Variants in TNFRSF8 observed in about 807,000 individuals in gnomAD.
TNFRSF8 encodes the protein TNF receptor superfamily member 8, also known as tumor necrosis factor receptor superfamily member 8.
In TNFRSF8, 26 loss-of-function variants were observed where a neutral mutation model predicts 70.8. The observed-to-expected ratio is 0.37, with a 90% CI of 0.27 to 0.51. TNFRSF8 has a LOEUF of 0.51. TNFRSF8 is among the 20% of genes least tolerant of loss of function. The pLI is 0.94. For missense variants in TNFRSF8, 720 were observed against 807.9 expected (o/e 0.89, Z 1.32); for synonymous variants, 356 against 339.2 (o/e 1.05, Z -0.54).
intron 12 of TNFRSF8, among the ~76,000 whole-genome samples, chr1:12,127,518 T>C (rs1322275931): frequency 1.3e-5 from 2 of 152,258 alleles, no homozygotes; most frequent in Admixed American, 1.3e-4. Context: ...GTGCTCAGCC[T>C]AAGGCCAGGC....
chr1:12,126,202 G>C lies in TNFRSF8; in HGVS notation c.1275G>C (p.Pro425=). Residue 425 remains proline (P), a synonymous_variant, in exon 12 of 15, where the codon CCG becomes CCC. Transcript: ENST00000263932. ...TTTCAGAGCTCCACCTGTGCTACCC[G>C]GTCCAGACCTCCCAGCCCAAGCTAG... The part of the protein sequence containing the change: ...RIRQKLHLCY[P]VQTSQPKLEL... The C allele has an allele frequency of 6.2e-7, 1 of 1,614,088 alleles. No individual in the cohort carries two copies. Among genetic ancestry groups the C allele is most frequent in the Non-Finnish European group, 8.5e-7 (1 of 1,180,024 alleles).
At chr1:12,136,031 C>T (rs1219760633) in intron 13 of TNFRSF8, among the ~76,000 whole-genome samples, 1 of 152,018 alleles carries the variant, frequency 6.6e-6, no homozygotes, top group East Asian at 1.9e-4. Flanking sequence ...ATCTCATCCT[C>T]CAAGCTGGAT....
At chr1:12,126,126 G>C in intron 11 of TNFRSF8, 57 bp from the exon 12 acceptor site, 2 of 1,613,420 alleles carry the variant, frequency 1.2e-6, no homozygotes, top group South Asian at 2.2e-5. Flanking sequence ...TTCTTTCCCT[G>C]CCTGCTCCTG....
intron 1 of TNFRSF8, among the ~76,000 whole-genome samples, chr1:12,075,679 C>T (rs1318756277): frequency 6.6e-6 from 1 of 152,214 alleles, no homozygotes; most frequent in Non-Finnish European, 1.5e-5. Flanking sequence ...GAATATATCA[C>T]CCTAGGTCCT....
intron 12 of TNFRSF8, among the ~76,000 whole-genome samples, chr1:12,132,945 T>C (rs559136513): frequency 6.6e-6 from 1 of 151,700 alleles, no homozygotes; most frequent in Non-Finnish European, 1.5e-5. Context: ...ATGTGATTCA[T>C]CCCATTTTCC....
Position 12,125,309 on chromosome 1 carries a change from C to T in TNFRSF8, c.1154-642C>T, listed in dbSNP as rs148554302. ...GGGGTTAAGAGCGTGGCCCTGCAGT[C>T]CCCCCGGCCTGGCCTGGCCTGGGCT... On this transcript the variant is annotated intron_variant, in intron 10 of 14. Transcript: ENST00000263932. 7.9e-3 allele frequency among the ~76,000 whole-genome samples: 1,208 copies of T among 152,318 alleles called. 12 individuals carry two copies. The highest frequency in any genetic ancestry group is 0.011 in the Non-Finnish European group (746 of 68,032).
chr1:12,094,501 C>T (rs1641296663), intron 2 of TNFRSF8, among the ~76,000 whole-genome samples: 1 of 151,844 alleles, frequency 6.6e-6, no homozygotes, highest in African/African-American at 2.4e-5. Flanking sequence ...TCCTGGGAGC[C>T]ATGAGAAGCC....
In TNFRSF8 at chr1:12,110,034, T is replaced by C. The variant is rs748188775; in HGVS notation, c.513-7T>C. On this transcript the variant is annotated splice_region_variant and splice_polypyrimidine_tract_variant and intron_variant, in intron 5 of 14. Coordinates refer to ENST00000263932, the MANE Select transcript of TNFRSF8 (RefSeq NM_001243.5). The surrounding 1 kb of genome is among the most constrained non-coding windows in gnomAD (Gnocchi z 4.0). Reference sequence around the variant, plus strand: ...ATTATCAGTCCCATCTCTGGCTTCTTCCCCAGTGGCACCATCCCCCAGGCC... The same window carrying C: ...ATTATCAGTCCCATCTCTGGCTTCTCCCCCAGTGGCACCATCCCCCAGGCC... The C allele has an allele frequency of 6.2e-7, 1 of 1,612,080 alleles. No individual in the cohort carries two copies. The highest frequency in any genetic ancestry group is 1.7e-5 in the Admixed American group (1 of 59,730).
chr1:12,075,375 T>G (rs1640925509), intron 1 of TNFRSF8, among the ~76,000 whole-genome samples: 1 of 152,098 alleles, frequency 6.6e-6, no homozygotes, highest in African/African-American at 2.4e-5. Context: ...TGTGAACCGC[T>G]GCGCCTGTCC....
chr1:12,065,560 G>A (rs1470125293), intron 1 of TNFRSF8, among the ~76,000 whole-genome samples: 1 of 152,084 alleles, frequency 6.6e-6, no homozygotes, highest in Non-Finnish European at 1.5e-5. Context: ...TTCCTTTGCA[G>A]ACCTTTATAA....
chr1:12,081,562 TAAG>T (rs1191206954), intron 1 of TNFRSF8, among the ~76,000 whole-genome samples: 4 of 151,028 alleles, frequency 2.6e-5, no homozygotes, highest in African/African-American at 9.8e-5. Context: ...CTGGATTAAA[TAAG>T]AAGGGAGACA....
At chr1:12,069,197 T>TGA (rs1491116947) in intron 1 of TNFRSF8, among the ~76,000 whole-genome samples, 9 of 89,094 alleles carry the variant, frequency 1.0e-4, no homozygotes, top group African/African-American at 4.2e-4. Context: ...TTTTTTTTTT[T>TGA]GATGGAGTTT....
At position 12,076,088 on chromosome 1, in the gene TNFRSF8, T is replaced by C. The variant is rs111637062; in HGVS notation, c.64-8376T>C. On this transcript the variant is annotated intron_variant, in intron 1 of 14. Transcript: ENST00000263932. ...CAGAAGGCCTTCTTGGTTTTATTCT[T>C]TTTTTTTTCTTTTTCTTTTTTTTTT... is the stretch of plus-strand genomic sequence containing the variant. 2.6e-3 allele frequency among the ~76,000 whole-genome samples: 180 copies of C among 69,946 alleles called. 4 individuals are homozygous for C. Among genetic ancestry groups the C allele is most frequent in the African/African-American group, 5.4e-3 (63 of 11,602 alleles). The allele number at this position is 69,946 out of a possible 152,430, so 45.9% of individuals were successfully genotyped here.
chr1:12,124,024 G>T (rs1641884204), intron 10 of TNFRSF8, among the ~76,000 whole-genome samples, 197 bp downstream of exon 10: 1 of 152,106 alleles, frequency 6.6e-6, no homozygotes, highest in East Asian at 1.9e-4. Context: ...TTTTCTTTTT[G>T]AAACAGTCTC....
rs1269408505 is a variant in TNFRSF8 at position 12,142,360 on chromosome 1, C to A, written c.1617C>A (p.Gly539=). 1 of 1,608,910 alleles carries A rather than the reference C, an allele frequency of 6.2e-7. No homozygotes were observed. The highest frequency in any genetic ancestry group is 1.7e-5 in the Admixed American group (1 of 59,308). The change falls in exon 15 of 15, where the codon GGC becomes GGA. Residue 539 remains glycine, a synonymous_variant. Transcript: ENST00000263932. This position sits in a 1 kb window ranked among gnomAD's most constrained non-coding sequence, Gnocchi z 5.0. ...AGGCTGAGCTGCCGGAGGGCCGGGGCCTGGCGGGGCCAGCAGAGCCCGAGT... is the reference window on the plus strand; with the variant it reads ...AGGCTGAGCTGCCGGAGGGCCGGGGACTGGCGGGGCCAGCAGAGCCCGAGT... ...TVKAELPEGR[G]LAGPAEPELE...
chr1:12,085,335 C>T (rs556117231), intron 2 of TNFRSF8, among the ~76,000 whole-genome samples: 13 of 152,306 alleles, frequency 8.5e-5, no homozygotes, highest in Admixed American at 4.6e-4. Flanking sequence ...GTCTCAAACT[C>T]CTGACCTCAG....
At chr1:12,096,334 C>G (rs1641329245) in intron 2 of TNFRSF8, among the ~76,000 whole-genome samples, 1 of 151,570 alleles carries the variant, frequency 6.6e-6, no homozygotes, top group South Asian at 2.1e-4. Flanking sequence ...TTCGGCTTCC[C>G]TGGGCCACAT....
At chr1:12,128,372 T>G (rs1382348196) in intron 12 of TNFRSF8, among the ~76,000 whole-genome samples, 1 of 152,220 alleles carries the variant, frequency 6.6e-6, no homozygotes, top group Non-Finnish European at 1.5e-5. Context: ...ATCAGGGATC[T>G]GTGGTCCGTG....
intron 12 of TNFRSF8, among the ~76,000 whole-genome samples, chr1:12,131,846 T>C (rs1367892159): frequency 6.6e-6 from 1 of 151,536 alleles, no homozygotes; most frequent in African/African-American, 2.4e-5. Flanking sequence ...CAGGTTGGAG[T>C]GCAATGGCGC....
Sources: allele counts gnomAD v4.1 joint callset (sites outside exome capture counted in the v4.1 genomes callset), GRCh38; gene constraint gnomAD v4.1.1; non-coding constraint Gnocchi (gnomAD v3.1); transcripts MANE v1.5; gene names NCBI Gene and HGNC (gene_info 2026-07-23, HGNC 2026-07-21).